UHRF2: variants seen among roughly 807,000 people sequenced by gnomAD.
UHRF2 encodes the protein ubiquitin like with PHD and ring finger domains 2.
In UHRF2, 23 loss-of-function variants were observed where a neutral mutation model predicts 96.8. That is an observed-to-expected ratio of 0.24 (90% confidence interval 0.17 to 0.34). UHRF2 has a LOEUF of 0.34. UHRF2 is among the 10% of genes least tolerant of loss of function. UHRF2 has a pLI of 1.00. For missense variants in UHRF2, 685 were observed against 981.5 expected, an observed-to-expected ratio of 0.70 and a Z score of 4.04; for synonymous variants, 385 against 332.6, an observed-to-expected ratio of 1.16 and a Z score of -1.72.
rs555458595 is a variant in UHRF2 at position 6,461,359 on chromosome 9, C to A, written c.863+568C>A. ...CCTCCCTCCCTCTCTCTCTCCCCCC[C>A]CTCCTCCTCTCCCCCTCCTCCTTCT... is the stretch of plus-strand genomic sequence containing the variant. On this transcript the variant is annotated intron_variant, in intron 4 of 15. Coordinates refer to ENST00000276893, the MANE Select transcript of UHRF2 (RefSeq NM_152896.3). Among the ~76,000 whole-genome samples, 406 of 96,842 alleles carry A rather than the reference C, an allele frequency of 4.2e-3. 1 individual carries two copies. The highest frequency in any genetic ancestry group is 6.1e-3 in the Non-Finnish European group (307 of 50,168). The allele number at this position is 96,842 out of a possible 152,430, so 63.5% of individuals were successfully genotyped here. A position where few individuals can be genotyped will look rare whatever the true frequency, so the allele number is the denominator to read the frequency against.
At chr9:6,494,738 A>G (rs1448634691) in intron 10 of UHRF2, 1 of 152,210 alleles carries the variant, frequency 6.6e-6, no homozygotes, top group Non-Finnish European at 1.5e-5. Flanking sequence ...TCGATTGAGT[A>G]AAAGTGAGTG....
chr9:6,469,682 A>T (rs192994973), intron 4 of UHRF2, among the ~76,000 whole-genome samples: 1 of 108,170 alleles, frequency 9.2e-6, no homozygotes, highest in African/African-American at 4.0e-5. Context: ...GTGTGTATGT[A>T]TATATATACA....
chr9:6,424,793 T>TTC (rs35964399), intron 2 of UHRF2, among the ~76,000 whole-genome samples: 4 of 151,614 alleles, frequency 2.6e-5, no homozygotes, highest in African/African-American at 9.7e-5. Context: ...TTTTTTTTTT[T>TTC]CAATTACCGT....
intron 4 of UHRF2, among the ~76,000 whole-genome samples, chr9:6,474,463 T>C (rs1823439877): frequency 6.6e-6 from 1 of 152,164 alleles, no homozygotes; most frequent in Non-Finnish European, 1.5e-5. Context: ...CCTAGCACTT[T>C]GGGAGGCCGA....
intron 3 of UHRF2, among the ~76,000 whole-genome samples, chr9:6,452,204 T>C (rs200462199): frequency 3.9e-5 from 6 of 152,226 alleles, no homozygotes; most frequent in Non-Finnish European, 7.3e-5. Context: ...GTTTCTGTTA[T>C]GGACGTTTGA....
intron 1 of UHRF2, among the ~76,000 whole-genome samples, chr9:6,419,729 T>A (rs935107415): frequency 6.6e-6 from 1 of 151,988 alleles, no homozygotes; most frequent in African/African-American, 2.4e-5. Flanking sequence ...ATGAAACATT[T>A]TGGGATTTAT....
intron 5 of UHRF2, among the ~76,000 whole-genome samples, chr9:6,477,195 T>C (rs1289686161): frequency 1.3e-5 from 2 of 151,314 alleles, no homozygotes; most frequent in Non-Finnish European, 2.9e-5. Context: ...ATTGGCACCA[T>C]TGCACTCCAG....
At chr9:6,462,979 A>G (rs1430864417) in intron 4 of UHRF2, among the ~76,000 whole-genome samples, 2 of 150,724 alleles carry the variant, frequency 1.3e-5, no homozygotes, top group East Asian at 2.0e-4. Context: ...CTGGCTTTAG[A>G]AGTGGAACTG....
Position 6,505,888 on chromosome 9 carries a change from A to G in UHRF2, c.2263-145A>G. Reference sequence around the variant, plus strand: ...TAAAGCCATGACTGTAGTCTTTTCCATAGTGCAGATTCAAGCCTTTATGTT... The same window carrying G: ...TAAAGCCATGACTGTAGTCTTTTCCGTAGTGCAGATTCAAGCCTTTATGTT... On this transcript the variant is annotated intron_variant, in intron 15 of 15. Transcript: ENST00000276893. The G allele has an allele frequency of 6.6e-6, 5 of 754,036 alleles. No individual in the cohort carries two copies. In the South Asian group the frequency reaches 6.7e-5, roughly 10 times the overall value. 46.7% of individuals were successfully genotyped at this position (754,036 alleles called of 1,614,324 possible).
intron 6 of UHRF2, among the ~76,000 whole-genome samples, chr9:6,479,668 G>A (rs900007741): frequency 1.3e-5 from 2 of 152,162 alleles, no homozygotes; most frequent in African/African-American, 2.4e-5. Context: ...AATTAGTCCA[G>A]ATGGAGTTCT....
chr9:6,484,371 G>A (rs1298673318), intron 8 of UHRF2, among the ~76,000 whole-genome samples: 1 of 151,584 alleles, frequency 6.6e-6, no homozygotes, highest in Non-Finnish European at 1.5e-5. Flanking sequence ...GGCGGCGGTG[G>A]TGGCAGGTGT....
At chr9:6,468,924 A>C (rs867803501) in intron 4 of UHRF2, among the ~76,000 whole-genome samples, 1 of 152,212 alleles carries the variant, frequency 6.6e-6, no homozygotes, top group African/African-American at 2.4e-5. Context: ...CAGCAGTAGG[A>C]AGGTTGAACT....
chr9:6,438,927 T>C (rs548904507), intron 3 of UHRF2, among the ~76,000 whole-genome samples: 1 of 152,300 alleles, frequency 6.6e-6, no homozygotes, highest in South Asian at 2.1e-4. Context: ...ATTTATGATG[T>C]TTCTTCTTAG....
In UHRF2 at chr9:6,468,688, C is replaced by G. The variant is rs773778406; in HGVS notation, c.864-6703C>G. 8.8e-6 allele frequency: 4 copies of G among 456,002 alleles called. 1 individual carries two copies. The highest frequency in any genetic ancestry group is 6.2e-5 in the South Asian group (4 of 64,562). The allele number at this position is 456,002 out of a possible 1,614,324, so 28.2% of individuals were successfully genotyped here. On this transcript the variant is annotated intron_variant, in intron 4 of 15. Transcript: ENST00000276893. ...GGTTGAATACTGGACTTCTGCTGGA[C>G]AAGAGGCTGGAAATGTAGTAAAAAG...
At chr9:6,438,385 T>A (rs1314523645) in intron 3 of UHRF2, among the ~76,000 whole-genome samples, 1 of 152,238 alleles carries the variant, frequency 6.6e-6, no homozygotes, top group Non-Finnish European at 1.5e-5. Context: ...ATGTCATTTT[T>A]ACCTCTAAGC....
intron 14 of UHRF2, among the ~76,000 whole-genome samples, chr9:6,501,892 A>G (rs1816312541): frequency 6.6e-6 from 1 of 152,158 alleles, no homozygotes; most frequent in Non-Finnish European, 1.5e-5. Flanking sequence ...TGTAGGTGGG[A>G]GAGAAGCAAT....
At chr9:6,429,807 A>T (rs1563748876) in intron 2 of UHRF2, among the ~76,000 whole-genome samples, 3 of 152,218 alleles carry the variant, frequency 2.0e-5, no homozygotes. Context: ...TCATGGTTAC[A>T]CTTAGTGGGT....
At chr9:6,484,323 G>T (rs1426186098) in intron 8 of UHRF2, among the ~76,000 whole-genome samples, 1 of 151,996 alleles carries the variant, frequency 6.6e-6, no homozygotes, top group East Asian at 1.9e-4. Flanking sequence ...CAGTACTCCA[G>T]CCTTGGCCTC....
intron 4 of UHRF2, among the ~76,000 whole-genome samples, chr9:6,463,970 G>A (rs1244727219): frequency 2.6e-5 from 4 of 152,138 alleles, no homozygotes; most frequent in Non-Finnish European, 5.9e-5. Flanking sequence ...GATGTATCAT[G>A]CCTAGGATTA....
Sources: gnomAD v4.1 joint callset for allele counts (sites outside exome capture counted in the v4.1 genomes callset) on GRCh38, gnomAD v4.1.1 for gene constraint, MANE v1.5 for transcripts, NCBI Gene and HGNC (gene_info 2026-07-23, HGNC 2026-07-21) for gene names.